Variants in SMAD9 observed in about 807,000 individuals in gnomAD.
The protein encoded by SMAD9 is SMAD family member 9, also known as MAD homolog 9.
In SMAD9, 36 loss-of-function variants were observed where a neutral mutation model predicts 46.1. The ratio of observed to expected loss-of-function variants is 0.78; its 90% CI spans 0.60 to 1.03. SMAD9 has a LOEUF of 1.03. SMAD9 is among the 50% of genes least tolerant of loss of function. The pLI is 0.00. For synonymous variants in SMAD9, 245 were observed against 237.1 expected, an observed-to-expected ratio of 1.03 and a Z score of -0.31; for missense variants, 572 against 599.8, an observed-to-expected ratio of 0.95 and a Z score of 0.48.
chr13:36,911,908 A>C (rs2058665103), intron 1 of SMAD9, among the ~76,000 whole-genome samples: 1 of 152,076 alleles, frequency 6.6e-6, no homozygotes, highest in Admixed American at 6.5e-5. Context: ...GGGTTTCTCC[A>C]TGTTGGTCAG....
chr13:36,899,813 T>C (rs369815645), intron 1 of SMAD9, among the ~76,000 whole-genome samples: 27 of 152,326 alleles, frequency 1.8e-4, no homozygotes, highest in African/African-American at 5.1e-4. Flanking sequence ...GAACATTTCA[T>C]TGAATTATTA....
intron 3 of SMAD9, among the ~76,000 whole-genome samples, chr13:36,869,252 T>A (rs184258238): frequency 6.6e-5 from 10 of 151,790 alleles, no homozygotes; most frequent in Admixed American, 6.6e-4. Flanking sequence ...TTTTTTTTTT[T>A]AATAGTCCTC....
intron 4 of SMAD9, among the ~76,000 whole-genome samples, chr13:36,866,299 A>G (rs1467105521): frequency 6.6e-6 from 1 of 152,148 alleles, no homozygotes; most frequent in Non-Finnish European, 1.5e-5. Flanking sequence ...AAAAGCTTCC[A>G]CATAGAGGGG....
chr13:36,871,021 C>A (rs929848760), intron 3 of SMAD9, among the ~76,000 whole-genome samples: 14 of 152,134 alleles, frequency 9.2e-5, no homozygotes, highest in African/African-American at 3.4e-4. Context: ...CTGTTTATTT[C>A]TGGAATTTTC....
intron 1 of SMAD9, among the ~76,000 whole-genome samples, chr13:36,910,327 A>G (rs1242358548): frequency 6.6e-6 from 1 of 152,210 alleles, no homozygotes; most frequent in Non-Finnish European, 1.5e-5. Flanking sequence ...GGGAGGGATG[A>G]AAACACAGAC....
At chr13:36,854,187 AT>A (rs980570351) in intron 5 of SMAD9, among the ~76,000 whole-genome samples, 15 of 152,038 alleles carry the variant, frequency 9.9e-5, no homozygotes, top group African/African-American at 2.4e-4. Context: ...AAATAAAAAA[AT>A]AAAAGTGGAT....
At chr13:36,887,420 G>A (rs1293717064) in intron 1 of SMAD9, among the ~76,000 whole-genome samples, 7 of 151,448 alleles carry the variant, frequency 4.6e-5, no homozygotes, top group Middle Eastern at 3.4e-3. Flanking sequence ...ATGGGGTTTC[G>A]TCAAGTTAGC....
chr13:36,858,722 A>G (rs9531986), intron 5 of SMAD9, among the ~76,000 whole-genome samples: 56,239 of 152,080 alleles, frequency 0.37, 11,194 homozygotes, highest in Non-Finnish European at 0.43. Flanking sequence ...TACAGACAGA[A>G]AAGAAAAATC....
intron 1 of SMAD9, among the ~76,000 whole-genome samples, chr13:36,902,754 C>T (rs1046831939): frequency 2.6e-5 from 4 of 152,156 alleles, no homozygotes; most frequent in African/African-American, 9.7e-5. Flanking sequence ...CCGCACCCAG[C>T]CTTGCTCTTC....
chr13:36,860,475 A>G (rs1295095509), intron 5 of SMAD9, among the ~76,000 whole-genome samples: 5 of 131,634 alleles, frequency 3.8e-5, no homozygotes, highest in African/African-American at 1.5e-4. Flanking sequence ...TTTGAGATGG[A>G]GTCTCGCTCT....
intron 3 of SMAD9, among the ~76,000 whole-genome samples, chr13:36,868,547 C>A (rs1281441908): frequency 6.6e-6 from 1 of 152,086 alleles, no homozygotes; most frequent in Non-Finnish European, 1.5e-5. Flanking sequence ...TGAGGCCAGC[C>A]TGGGCAACAT....
intron 1 of SMAD9, among the ~76,000 whole-genome samples, chr13:36,894,968 G>A (rs1042346182): frequency 6.6e-6 from 1 of 152,136 alleles, no homozygotes; most frequent in Admixed American, 6.5e-5. Context: ...ATGGCAAGGA[G>A]GGCTATCAGT....
At chr13:36,892,831 A>T (rs1347634928) in intron 1 of SMAD9, among the ~76,000 whole-genome samples, 1 of 152,228 alleles carries the variant, frequency 6.6e-6, no homozygotes, top group African/African-American at 2.4e-5. Context: ...AAGACATTCT[A>T]TGCAAAATCT....
chr13:36,872,262 G>T (rs141457293), intron 3 of SMAD9, among the ~76,000 whole-genome samples: 1 of 151,560 alleles, frequency 6.6e-6, no homozygotes, highest in Non-Finnish European at 1.5e-5. Context: ...TTTGATTGTT[G>T]AAAGAGGCAA....
intron 1 of SMAD9, among the ~76,000 whole-genome samples, chr13:36,881,146 G>C (rs1398965944): frequency 6.6e-6 from 1 of 152,154 alleles, no homozygotes; most frequent in African/African-American, 2.4e-5. Context: ...TTCTTTCCCA[G>C]TTATTCAGCA....
At chr13:36,864,899 T>C (rs2058217168) in intron 5 of SMAD9, among the ~76,000 whole-genome samples, 1 of 152,142 alleles carries the variant, frequency 6.6e-6, no homozygotes, top group Non-Finnish European at 1.5e-5. Flanking sequence ...TACCAACTAT[T>C]CCAATAGAAA....
chr13:36,920,669 A>G (rs912228720), upstream of SMAD9: 1 of 152,400 alleles, frequency 6.6e-6, no homozygotes, highest in Admixed American at 6.5e-5. Context: ...GGAGCCCGAA[A>G]CCAGAAGAGT....
intron 1 of SMAD9, among the ~76,000 whole-genome samples, chr13:36,899,640 G>C (rs145452693): frequency 6.6e-6 from 1 of 152,142 alleles, no homozygotes; most frequent in Non-Finnish European, 1.5e-5. Flanking sequence ...AGAGAGTTGG[G>C]GGAAGCACAA....
At chr13:36,920,036 TCCCCCACCCAGGTCCGGCGC>T (rs1476194845) in intron 1 of SMAD9, 60 bp downstream of exon 1, 5 of 145,488 alleles carry the variant, frequency 3.4e-5, no homozygotes, top group African/African-American at 5.1e-5. Context: ...CACTCATCCC[TCCCCCACCCAGGTCCGGCGC>T]CCCCAACCCC....
Sources: gnomAD v4.1 joint callset for allele counts (sites outside exome capture counted in the v4.1 genomes callset) on GRCh38, gnomAD v4.1.1 for gene constraint, MANE v1.5 for transcripts, NCBI Gene and HGNC (gene_info 2026-07-23, HGNC 2026-07-21) for gene names.